The following SV2C variants were observed in gnomAD, a reference collection of about 807,000 sequenced individuals.
The protein encoded by SV2C is solute carrier family 22 member B3.
A neutral mutation model predicts 79.7 loss-of-function variants in SV2C; 49 were observed. The ratio of observed to expected loss-of-function variants is 0.61; its 90% CI spans 0.49 to 0.78. The LOEUF is 0.78. Among genes scored for constraint, SV2C ranks in the 30% least tolerant of loss-of-function variants. The probability of loss-of-function intolerance (pLI) is 0.00; values close to 1 mark genes in which losing one functional copy is unlikely to be tolerated. For missense variants in SV2C, 833 were observed against 912.9 expected, an observed-to-expected ratio of 0.91 and a Z score of 1.13; for synonymous variants, 334 against 333.2, an observed-to-expected ratio of 1.00 and a Z score of -0.03.
intron 2 of SV2C, among the ~76,000 whole-genome samples, chr5:76,178,384 C>G (rs7733832): frequency 1.5e-4 from 23 of 151,934 alleles, no homozygotes; most frequent in Admixed American, 5.9e-4. Flanking sequence ...GAGTAAATTT[C>G]TTTTCTTTTT....
At chr5:76,097,571 T>G (rs1747606093) in intron 1 of SV2C, among the ~76,000 whole-genome samples, 1 of 152,218 alleles carries the variant, frequency 6.6e-6, no homozygotes, top group African/African-American at 2.4e-5. Context: ...ACATAATTTG[T>G]TATTATTTCT....
chr5:76,344,630 A>C (rs1749504984), intron 12 of SV2C, among the ~76,000 whole-genome samples: 1 of 152,018 alleles, frequency 6.6e-6, no homozygotes, highest in Non-Finnish European at 1.5e-5. Flanking sequence ...AATCGCTTGA[A>C]CCTGGGAGGC....
intron 1 of SV2C, among the ~76,000 whole-genome samples, chr5:76,109,375 G>A (rs1181710488): frequency 6.6e-6 from 1 of 152,150 alleles, no homozygotes. Context: ...TTAAAAATTT[G>A]AGGGGGAAGG....
the SV2C span, among the ~76,000 whole-genome samples, chr5:75,996,126 T>C: frequency 6.6e-6 from 1 of 152,184 alleles, no homozygotes; most frequent in Non-Finnish European, 1.5e-5. Flanking sequence ...AGGTCTAACA[T>C]GTAAGTCTTT....
intron 8 of SV2C, among the ~76,000 whole-genome samples, chr5:76,293,707 A>T (rs1235475577): frequency 6.7e-6 from 1 of 149,528 alleles, no homozygotes; most frequent in African/African-American, 2.5e-5. Flanking sequence ...TGAGGCACAG[A>T]TGTTTTTGGA....
At chr5:75,871,832 T>TACAC in the SV2C span, among the ~76,000 whole-genome samples, 11 of 113,702 alleles carry the variant, frequency 9.7e-5, no homozygotes, top group African/African-American at 4.6e-4. Context: ...TATATATATA[T>TACAC]ATACACACAC....
chr5:76,098,952 T>C (rs1747650825), intron 1 of SV2C, among the ~76,000 whole-genome samples: 1 of 152,168 alleles, frequency 6.6e-6, no homozygotes, highest in South Asian at 2.1e-4. Context: ...ATGGGGAGAA[T>C]CTGAGCCAAG....
At chr5:75,962,706 A>G in the SV2C span, among the ~76,000 whole-genome samples, 11 of 152,242 alleles carry the variant, frequency 7.2e-5, no homozygotes, top group African/African-American at 2.6e-4. Context: ...CCTCCCCACT[A>G]GCATCATTCA....
At chr5:75,850,582 A>G in the SV2C span, among the ~76,000 whole-genome samples, 2 of 152,134 alleles carry the variant, frequency 1.3e-5, no homozygotes, top group Admixed American at 6.5e-5. Flanking sequence ...TGGTGTGGGT[A>G]CATATGTAAC....
the SV2C span, among the ~76,000 whole-genome samples, chr5:76,030,508 C>T: frequency 6.6e-6 from 1 of 151,702 alleles, no homozygotes; most frequent in Admixed American, 6.6e-5. Flanking sequence ...ATGAAAGGGA[C>T]CTATAGAAGT....
At chr5:75,994,414 G>T in the SV2C span, among the ~76,000 whole-genome samples, 1 of 151,950 alleles carries the variant, frequency 6.6e-6, no homozygotes, top group East Asian at 2.0e-4. Context: ...TCTTTGCTAA[G>T]TTCCTGTATT....
At position 76,147,534 on chromosome 5, in the gene SV2C, C is replaced by T. The variant is rs563123496; in HGVS notation, c.580+15204C>T. Among the ~76,000 whole-genome samples, 58 of 152,316 alleles carry T rather than the reference C, an allele frequency of 3.8e-4. 1 individual carries two copies. Among genetic ancestry groups the T allele is most frequent in the African/African-American group, 1.2e-3 (48 of 41,568 alleles). ...CACTTCAGCATGGAGTTTGCCACAA[C>T]GGCCTCTCCTCTGTCTGGATTGCTG... On this transcript the variant is annotated intron_variant, in intron 2 of 12. Coordinates refer to ENST00000502798, the MANE Select transcript of SV2C (RefSeq NM_014979.4).
intron 1 of SV2C, among the ~76,000 whole-genome samples, chr5:76,120,638 A>T (rs1748458376): frequency 6.7e-6 from 1 of 148,220 alleles, no homozygotes; most frequent in South Asian, 2.1e-4. Context: ...TGTCCTTGTG[A>T]TAGTTTACTG....
the SV2C span, among the ~76,000 whole-genome samples, chr5:75,934,302 CT>C: frequency 2.6e-3 from 276 of 107,818 alleles, 1 homozygote; most frequent in African/African-American, 5.4e-3. Context: ...TTCTTTCTTT[CT>C]TTTTTTTTTT....
At chr5:75,885,609 C>T in the SV2C span, among the ~76,000 whole-genome samples, 1 of 152,162 alleles carries the variant, frequency 6.6e-6, no homozygotes, top group East Asian at 1.9e-4. Flanking sequence ...TATTCACAGG[C>T]AAAAATTGTA....
At chr5:76,215,426 G>T (rs1297932376) in intron 4 of SV2C, among the ~76,000 whole-genome samples, 1 of 152,104 alleles carries the variant, frequency 6.6e-6, no homozygotes, top group Non-Finnish European at 1.5e-5. Context: ...TGTCCATCTG[G>T]TTTAGAATCA....
chr5:76,202,534 G>A (rs1018618149), intron 3 of SV2C, among the ~76,000 whole-genome samples: 3 of 152,116 alleles, frequency 2.0e-5, no homozygotes, highest in South Asian at 2.1e-4. Flanking sequence ...ATGGCACAAC[G>A]TATACATGAT....
At chr5:75,970,338 G>C in the SV2C span, among the ~76,000 whole-genome samples, 1 of 152,044 alleles carries the variant, frequency 6.6e-6, no homozygotes, top group South Asian at 2.1e-4. Context: ...CAGAACTGAA[G>C]GCAATAGAGA....
At chr5:76,308,823 A>C (rs764007945) in intron 12 of SV2C, among the ~76,000 whole-genome samples, 1 of 152,206 alleles carries the variant, frequency 6.6e-6, no homozygotes, top group Non-Finnish European at 1.5e-5. Context: ...GAAGAATAAG[A>C]AAAGTATATC....
Sources: gnomAD v4.1 joint callset for allele counts (sites outside exome capture counted in the v4.1 genomes callset) on GRCh38, gnomAD v4.1.1 for gene constraint, MANE v1.5 for transcripts, NCBI Gene and HGNC (gene_info 2026-07-23, HGNC 2026-07-21) for gene names.